FGF13: variants seen among roughly 807,000 people sequenced by gnomAD.
FGF13 encodes the protein fibroblast growth factor homologous factor 2.
Under a neutral mutation model 19.5 loss-of-function variants are expected in FGF13, and 2 were observed. That is an observed-to-expected ratio of 0.10 (90% CI 0.04 to 0.32). The LOEUF is 0.32. Ranked by LOEUF, FGF13 falls within the 10% of genes least tolerant of loss-of-function variation. FGF13 has a pLI of 1.00. For synonymous variants in FGF13, 72 were observed against 76.9 expected, an observed-to-expected ratio of 0.94 and a Z score of 0.33; for missense variants, 113 against 192.7, an observed-to-expected ratio of 0.59 and a Z score of 2.45.
intron 3 of FGF13, among the ~76,000 whole-genome samples, chrX:138,808,010 C>A (rs1290411207): frequency 9.0e-6 from 1 of 111,608 alleles, no homozygotes; most frequent in Non-Finnish European, 1.9e-5. Flanking sequence ...TAACACCCCA[C>A]TGTCAACATT....
intron 1 of FGF13, among the ~76,000 whole-genome samples, chrX:139,164,942 C>T (rs1603228238): frequency 9.1e-6 from 1 of 110,052 alleles, no homozygotes; most frequent in Non-Finnish European, 1.9e-5. Context: ...AGTTTAAAAA[C>T]CCTAGATTGC....
At chrX:138,695,393 G>A (rs187346938) in intron 3 of FGF13, among the ~76,000 whole-genome samples, 39 of 111,601 alleles carry the variant, frequency 3.5e-4, no homozygotes, top group African/African-American at 1.2e-3. Flanking sequence ...GATTCTCTAC[G>A]GAAGGAAAAA....
At chrX:139,140,537 C>T (rs1231157741) in intron 1 of FGF13, among the ~76,000 whole-genome samples, 2 of 111,511 alleles carry the variant, frequency 1.8e-5, no homozygotes, top group Non-Finnish European at 3.8e-5. Flanking sequence ...TTCTCACCCT[C>T]CTTCAAATGT....
chrX:139,085,106 C>T (rs1279244842), intron 1 of FGF13, among the ~76,000 whole-genome samples: 1 of 111,934 alleles, frequency 8.9e-6, no homozygotes, highest in East Asian at 2.8e-4. Context: ...GGAGGGGGCA[C>T]AGTCTACGAA....
chrX:138,778,962 G>C (rs1186928517), intron 3 of FGF13, among the ~76,000 whole-genome samples: 1 of 112,321 alleles, frequency 8.9e-6, no homozygotes, highest in East Asian at 2.8e-4. Context: ...GCACGAGCTG[G>C]AGATCTGAGA....
chrX:138,725,414 C>T (rs994734996), intron 1 of FGF13, among the ~76,000 whole-genome samples: 13 of 111,355 alleles, frequency 1.2e-4, no homozygotes, highest in African/African-American at 4.2e-4. Flanking sequence ...GTAAAGACTA[C>T]TGAAGGCCAT....
At chrX:139,111,957 CAT>C (rs1347925075) in intron 1 of FGF13, among the ~76,000 whole-genome samples, 1 of 111,964 alleles carries the variant, frequency 8.9e-6, no homozygotes, top group Non-Finnish European at 1.9e-5. Context: ...AAAAATAAAA[CAT>C]GTGGGTAGTG....
chrX:138,903,552 C>G (rs1018983398), intron 1 of FGF13, among the ~76,000 whole-genome samples: 2 of 111,509 alleles, frequency 1.8e-5, no homozygotes, highest in African/African-American at 6.5e-5. Flanking sequence ...GTAGATTAAA[C>G]GGACACAACT....
intron 4 of FGF13, among the ~76,000 whole-genome samples, chrX:138,634,763 G>C (rs907897883): frequency 8.9e-6 from 1 of 112,230 alleles, no homozygotes; most frequent in Non-Finnish European, 1.9e-5. Context: ...ATGTTGGCAT[G>C]GATGTGGTGA....
At chrX:139,141,136 T>C (rs1439652424) in intron 1 of FGF13, among the ~76,000 whole-genome samples, 1 of 99,953 alleles carries the variant, frequency 1.0e-5, no homozygotes, top group African/African-American at 4.3e-5. Flanking sequence ...CACACACAAT[T>C]GGCACCCTTT....
chrX:139,032,323 A>C, intron 1 of FGF13, among the ~76,000 whole-genome samples: 2 of 111,720 alleles, frequency 1.8e-5, no homozygotes, highest in Non-Finnish European at 3.8e-5. Flanking sequence ...ACACCAAACC[A>C]CGCATCTTCC....
chrX:138,672,529 G>A (rs1266819215), intron 3 of FGF13, among the ~76,000 whole-genome samples: 4 of 112,157 alleles, frequency 3.6e-5, no homozygotes, highest in African/African-American at 6.5e-5. Flanking sequence ...GCCGCTTATT[G>A]AGATGGAGAA....
chrX:138,914,424 C>T (rs1287429932), intron 1 of FGF13, among the ~76,000 whole-genome samples: 1 of 111,082 alleles, frequency 9.0e-6, no homozygotes, highest in Admixed American at 9.6e-5. Flanking sequence ...AAACCATTTG[C>T]AAAAAGTGAA....
At chrX:138,715,457 A>T (rs1478888735), upstream of FGF13, among the ~76,000 whole-genome samples, 2 of 112,567 alleles carry the variant, frequency 1.8e-5, no homozygotes, top group African/African-American at 6.5e-5. Context: ...ATCTATTTTA[A>T]CTGTTTTCAT....
intron 1 of FGF13, among the ~76,000 whole-genome samples, chrX:139,103,371 G>A (rs1417651283): frequency 8.9e-6 from 1 of 112,296 alleles, no homozygotes; most frequent in African/African-American, 3.2e-5. Flanking sequence ...ACTGATACGT[G>A]CTACATGTGA....
At chrX:138,764,557 A>T (rs753191249) in intron 3 of FGF13, among the ~76,000 whole-genome samples, 207 of 112,596 alleles carry the variant, frequency 1.8e-3, no homozygotes, top group African/African-American at 6.3e-3. Flanking sequence ...CTGTTTCATG[A>T]TACATAAAAT....
chrX:138,813,466 C>G (rs1361279674), intron 3 of FGF13, among the ~76,000 whole-genome samples: 1 of 111,669 alleles, frequency 9.0e-6, no homozygotes, highest in Admixed American at 9.5e-5. Flanking sequence ...CTAGGAAATC[C>G]AAGTTGAAAC....
At chrX:138,984,588 A>AAGAAGAAGAAGAAGGAGGAGGAGG (rs2091982501) in intron 1 of FGF13, among the ~76,000 whole-genome samples, 3 of 11,503 alleles carry the variant, frequency 2.6e-4, no homozygotes, top group Admixed American at 7.8e-4. Context: ...GAAGAAGAAG[A>AAGAAGAAGAAGAAGGAGGAGGAGG]AGGAGGAGGA....
At chrX:138,865,693 G>A (rs1488863947) in intron 1 of FGF13, among the ~76,000 whole-genome samples, 1 of 111,282 alleles carries the variant, frequency 9.0e-6, no homozygotes, top group Non-Finnish European at 1.9e-5. Flanking sequence ...GGTCTGCTCA[G>A]AGTTCTATAG....
Sources: allele counts gnomAD v4.1 joint callset (sites outside exome capture counted in the v4.1 genomes callset), GRCh38; gene constraint gnomAD v4.1.1; transcripts MANE v1.5; gene names NCBI Gene and HGNC (gene_info 2026-07-23, HGNC 2026-07-21).